LUZP2: variants seen among roughly 807,000 people sequenced by gnomAD.
LUZP2 encodes the protein leucine zipper protein 2.
LUZP2 carries 52 observed loss-of-function variants against 51.6 expected under a neutral mutation model. The ratio of observed to expected loss-of-function variants is 1.01; its 90% CI spans 0.81 to 1.27. The LOEUF is 1.27. Ranked by LOEUF, LUZP2 falls within the 50% of genes most tolerant of loss-of-function variation. The probability of loss-of-function intolerance (pLI) is 0.00; values close to 1 mark genes in which losing one functional copy is unlikely to be tolerated. For synonymous variants in LUZP2, 154 were observed against 137.3 expected (o/e 1.12, Z -0.85); for missense variants, 436 against 395.4 (o/e 1.10, Z -0.87).
intron 7 of LUZP2, among the ~76,000 whole-genome samples, chr11:24,939,551 G>A (rs1854686131): frequency 6.6e-6 from 1 of 151,424 alleles, no homozygotes; most frequent in African/African-American, 2.4e-5. Context: ...TTCATAGGAA[G>A]GAAGGAAGAA....
intron 1 of LUZP2, among the ~76,000 whole-genome samples, chr11:24,638,906 T>C (rs1014843675): frequency 6.6e-6 from 1 of 151,572 alleles, no homozygotes; most frequent in Non-Finnish European, 1.5e-5. Context: ...TTATGAAAGA[T>C]AATTTTCCCA....
At position 24,611,302 on chromosome 11, in the gene LUZP2, T is replaced by C. The variant is rs1177887236; in HGVS notation, c.62+113997T>C. 2.0e-5 allele frequency among the ~76,000 whole-genome samples: 3 copies of C among 152,284 alleles called. No individual in the cohort carries two copies. In the East Asian group the frequency reaches 5.8e-4, roughly 29 times the overall value. Reference sequence around the variant, plus strand: ...GGAGCAAAATAATAACAAAAATGCTTCTACAGTCCATTATTCAAAAGAATG... The same window carrying C: ...GGAGCAAAATAATAACAAAAATGCTCCTACAGTCCATTATTCAAAAGAATG... On this transcript the variant is annotated intron_variant, in intron 1 of 11. Transcript: ENST00000336930. This position sits in a 1 kb window ranked among gnomAD's most constrained non-coding sequence, Gnocchi z 4.6.
At chr11:24,512,119 T>A (rs898501936) in intron 1 of LUZP2, among the ~76,000 whole-genome samples, 1 of 152,134 alleles carries the variant, frequency 6.6e-6, no homozygotes, top group African/African-American at 2.4e-5. Flanking sequence ...TAATAGATGA[T>A]GTATATTGGG....
chr11:24,741,245 AC>A (rs1565110396), intron 4 of LUZP2, among the ~76,000 whole-genome samples: 1 of 151,970 alleles, frequency 6.6e-6, no homozygotes, highest in Non-Finnish European at 1.5e-5. Context: ...TCAGAGACTT[AC>A]AAATGGTGTC....
chr11:24,696,393 A>C (rs984448283), intron 1 of LUZP2, among the ~76,000 whole-genome samples: 1 of 152,170 alleles, frequency 6.6e-6, no homozygotes, highest in South Asian at 2.1e-4. Context: ...AGCTTATCAT[A>C]CAATGTTAAT....
At chr11:24,776,547 A>G (rs1565132731) in intron 5 of LUZP2, among the ~76,000 whole-genome samples, 1 of 152,256 alleles carries the variant, frequency 6.6e-6, no homozygotes. Flanking sequence ...GCCATCCTCG[A>G]TCATTTTCTT....
At chr11:24,624,069 C>G (rs1165866919) in intron 1 of LUZP2, among the ~76,000 whole-genome samples, 1 of 151,968 alleles carries the variant, frequency 6.6e-6, no homozygotes, top group Non-Finnish European at 1.5e-5. Flanking sequence ...TATCATTAAT[C>G]TTAAGAATAG....
rs184410595 is a variant in LUZP2 at position 24,647,212 on chromosome 11, C to A, written c.63-81957C>A. Among the ~76,000 whole-genome samples, 623 of 152,110 alleles carry A rather than the reference C, an allele frequency of 4.1e-3. 4 individuals carry two copies. The highest frequency in any genetic ancestry group is 0.014 in the African/African-American group (587 of 41,540). On this transcript the variant is annotated intron_variant, in intron 1 of 11. Transcript: ENST00000336930. ...TGAGAAGTTTCCCTCCATCTTCTTA[C>A]ATTATTCAATTAATTTAGCACCTAC...
intron 9 of LUZP2, among the ~76,000 whole-genome samples, chr11:24,996,254 T>C (rs1205954985): frequency 2.6e-5 from 4 of 151,652 alleles, no homozygotes; most frequent in African/African-American, 9.7e-5. Flanking sequence ...TTCATTGTTT[T>C]CTATTAAATA....
intron 5 of LUZP2, among the ~76,000 whole-genome samples, chr11:24,819,452 G>A (rs945787566): frequency 1.3e-5 from 2 of 151,932 alleles, no homozygotes; most frequent in African/African-American, 2.4e-5. Context: ...TATATTCCTG[G>A]GATATTTGGA....
intron 10 of LUZP2, among the ~76,000 whole-genome samples, chr11:25,066,677 T>C (rs1859004779): frequency 6.6e-6 from 1 of 151,932 alleles, no homozygotes; most frequent in African/African-American, 2.4e-5. Flanking sequence ...GTTAGCATGA[T>C]AAAATCCATT....
At chr11:24,499,755 G>A (rs1228534860) in intron 1 of LUZP2, among the ~76,000 whole-genome samples, 2 of 149,060 alleles carry the variant, frequency 1.3e-5, no homozygotes, top group African/African-American at 2.5e-5. Flanking sequence ...GCAGAGCGGA[G>A]ACTCTTAATG....
At chr11:24,763,961 T>C (rs1175295351) in intron 5 of LUZP2, among the ~76,000 whole-genome samples, 1 of 152,234 alleles carries the variant, frequency 6.6e-6, no homozygotes. Context: ...ATCTCACTAA[T>C]TATGTTTTAT....
In LUZP2 at chr11:24,602,142, G is replaced by GTA. The variant is rs1491145712; in HGVS notation, c.62+104843_62+104844dup. 5.3e-3 allele frequency among the ~76,000 whole-genome samples: 446 copies of GTA among 83,760 alleles called. 6 individuals are homozygous for GTA. The highest frequency in any genetic ancestry group is 0.021 in the African/African-American group (425 of 20,162). 54.9% of individuals were successfully genotyped at this position (83,760 alleles called of 152,430 possible). On this transcript the variant is annotated intron_variant, in intron 1 of 11. Coordinates refer to ENST00000336930, the MANE Select transcript of LUZP2 (RefSeq NM_001009909.4). ...TGTATATATGTATATGTGTATATAT[G>GTA]TATATATGTATATATGTATATATGT...
intron 5 of LUZP2, among the ~76,000 whole-genome samples, chr11:24,775,496 C>T (rs186935550): frequency 2.8e-4 from 43 of 152,240 alleles, no homozygotes; most frequent in African/African-American, 9.9e-4. Flanking sequence ...TTAGCTGATA[C>T]GTCAGCCAGC....
chr11:24,681,816 G>T (rs1856745758), intron 1 of LUZP2, among the ~76,000 whole-genome samples: 1 of 152,082 alleles, frequency 6.6e-6, no homozygotes, highest in Non-Finnish European at 1.5e-5. Context: ...CATTAGTTCA[G>T]CAAGCATCAC....
At chr11:24,640,523 C>A (rs1176680488) in intron 1 of LUZP2, among the ~76,000 whole-genome samples, 2 of 151,794 alleles carry the variant, frequency 1.3e-5, no homozygotes, top group African/African-American at 4.9e-5. Flanking sequence ...ATTTACATGA[C>A]TTTTTTCTGT....
At chr11:24,960,736 C>T (rs1050509320) in intron 7 of LUZP2, among the ~76,000 whole-genome samples, 10 of 152,100 alleles carry the variant, frequency 6.6e-5, no homozygotes, top group African/African-American at 2.2e-4. Flanking sequence ...TCCTTTGTGT[C>T]TCTATTTCCT....
intron 1 of LUZP2, among the ~76,000 whole-genome samples, chr11:24,683,028 A>G (rs144692689): frequency 2.6e-5 from 4 of 152,288 alleles, no homozygotes; most frequent in Non-Finnish European, 5.9e-5. Context: ...GGAAAGCCAA[A>G]TATGTGCTCT....
Sources: allele counts gnomAD v4.1 joint callset (sites outside exome capture counted in the v4.1 genomes callset), GRCh38; gene constraint gnomAD v4.1.1; non-coding constraint Gnocchi (gnomAD v3.1); transcripts MANE v1.5; gene names NCBI Gene and HGNC (gene_info 2026-07-23, HGNC 2026-07-21).